WDR59: variants seen among roughly 807,000 people sequenced by gnomAD.
WDR59 encodes GATOR2 complex protein WDR59.
Under a neutral mutation model 131.2 loss-of-function variants are expected in WDR59, and 100 were observed. The observed-to-expected ratio is 0.76, with a 90% CI of 0.65 to 0.90. WDR59 has a LOEUF of 0.90. Ranked by LOEUF, WDR59 falls within the 40% of genes least tolerant of loss-of-function variation. The pLI is 0.00. For synonymous variants in WDR59, 601 were observed against 466.2 expected (o/e 1.29, Z -3.72); for missense variants, 1,203 against 1,262.2 (o/e 0.95, Z 0.71).
intron 11 of WDR59, among the ~76,000 whole-genome samples, chr16:74,916,710 C>T (rs1205025666): frequency 6.6e-6 from 1 of 151,834 alleles, no homozygotes; most frequent in Non-Finnish European, 1.5e-5. Context: ...AATACAAAAA[C>T]TAGCCAGGCA....
chr16:74,936,444 T>A (rs1427465282), intron 8 of WDR59, among the ~76,000 whole-genome samples: 1 of 151,998 alleles, frequency 6.6e-6, no homozygotes, highest in Non-Finnish European at 1.5e-5. Flanking sequence ...TCAACAAACT[T>A]GGGCATCTCA....
In WDR59 at chr16:74,956,504, C is replaced by G; in HGVS notation, c.211G>C (p.Asp71His). 1 of 1,614,002 alleles carries G rather than the reference C, an allele frequency of 6.2e-7. No individual in the cohort carries two copies. The highest frequency in any genetic ancestry group is 8.5e-7 in the Non-Finnish European group (1 of 1,180,014). The change falls in exon 3 of 26, where the codon GAC becomes CAC. Residue 71 changes from aspartate to histidine, a missense_variant. Physicochemically the swap from Asp to His is moderately conservative, Grantham distance 81 (BLOSUM62 -1). Transcript: ENST00000262144. ...GCCGCAAAATAGTGTGCAAAGCTGT[C>G]ATGAGGATTCCACTGCACAGCTCCA... ...DIGAVQWNPH[D>H]SFAHYFAASS... is the part of the protein sequence containing the mutation.
intron 18 of WDR59, among the ~76,000 whole-genome samples, chr16:74,901,023 C>T (rs545656057): frequency 5.9e-5 from 9 of 152,250 alleles, no homozygotes; most frequent in African/African-American, 1.2e-4. Flanking sequence ...CGCTTGAACC[C>T]GGAGGCAGAG....
intron 3 of WDR59, 119 bp downstream of exon 3, chr16:74,956,356 A>G: frequency 7.4e-7 from 1 of 1,346,824 alleles, no homozygotes; most frequent in East Asian, 2.5e-5. Context: ...AGAACCATCC[A>G]AACCTCTTTT....
chr16:74,909,713 C>G, intron 15 of WDR59, 56 bp from the exon 16 acceptor site: 1 of 1,551,694 alleles, frequency 6.4e-7, no homozygotes, highest in Non-Finnish European at 8.7e-7. Flanking sequence ...AGCTGAACTA[C>G]AAAATAAAGA....
At chr16:74,875,889 C>T (rs896834018) in intron 25 of WDR59, among the ~76,000 whole-genome samples, 5 of 152,286 alleles carry the variant, frequency 3.3e-5, no homozygotes, top group Middle Eastern at 3.4e-3. Flanking sequence ...CGATCACCAA[C>T]GGACACAACA....
chr16:74,920,403 T>C (rs933465920), intron 10 of WDR59, among the ~76,000 whole-genome samples: 7 of 152,022 alleles, frequency 4.6e-5, no homozygotes, highest in Non-Finnish European at 8.8e-5. Context: ...GTTAAATATA[T>C]ATATATATTT....
At chr16:74,878,891 C>T (rs1425362325) in intron 25 of WDR59, among the ~76,000 whole-genome samples, 2 of 152,226 alleles carry the variant, frequency 1.3e-5, no homozygotes, top group Admixed American at 6.5e-5. Context: ...TGCCAATTGC[C>T]GGTTTCGGCT....
Position 74,916,234 on chromosome 16 carries a change from C to G in WDR59, c.992G>C (p.Gly331Ala), listed in dbSNP as rs771032969. ...QRLCANDILDGVDEFIESISL... is the reference protein window; with the variant it reads ...QRLCANDILDAVDEFIESISL... ...AATACTCTCAATGAACTCATCAACACCATCTAATATGTCATTTGCACAAAG... is the reference window on the plus strand; with the variant it reads ...AATACTCTCAATGAACTCATCAACAGCATCTAATATGTCATTTGCACAAAG... Residue 331 changes from glycine to alanine, a missense_variant, in exon 12 of 26, where the codon GGT (glycine) becomes GCT (alanine). Gly to Ala is a moderately conservative substitution (Grantham distance 60, BLOSUM62 0). Coordinates refer to ENST00000262144, the MANE Select transcript of WDR59 (RefSeq NM_030581.4). The G allele has an allele frequency of 1.9e-6, 3 of 1,613,906 alleles. No individual in the cohort carries two copies. Among genetic ancestry groups the G allele is most frequent in the Non-Finnish European group, 2.5e-6 (3 of 1,179,978 alleles).
intron 21 of WDR59, among the ~76,000 whole-genome samples, chr16:74,889,078 C>A (rs562175472): frequency 6.6e-6 from 1 of 152,178 alleles, no homozygotes; most frequent in East Asian, 1.9e-4. Context: ...AACGGAAGCA[C>A]GAACACGTGT....
intron 1 of WDR59, among the ~76,000 whole-genome samples, chr16:74,982,753 G>A (rs947935208): frequency 6.6e-5 from 10 of 152,186 alleles, no homozygotes; most frequent in African/African-American, 2.2e-4. Context: ...GTACTTGGGG[G>A]TCCTTAATCC....
intron 1 of WDR59, among the ~76,000 whole-genome samples, chr16:74,973,153 A>G (rs2034054748): frequency 6.6e-6 from 1 of 152,100 alleles, no homozygotes; most frequent in Admixed American, 6.5e-5. Context: ...AGGCAGGAGA[A>G]TCGCTTGAAC....
In WDR59 at chr16:74,912,357, A is replaced by G. The variant is rs761876650; in HGVS notation, c.1230T>C (p.Asp410=). The change falls in exon 14 of 26, where the codon GAT becomes GAC. Residue 410 remains aspartate, a synonymous_variant. Coordinates refer to ENST00000262144, the MANE Select transcript of WDR59 (RefSeq NM_030581.4). Reference sequence around the variant, plus strand: ...ACACTGTGCAGCTCCTGTCTGCCGCATCCATCTGCAAGAGACAAATCCACA... The same window carrying G: ...ACACTGTGCAGCTCCTGTCTGCCGCGTCCATCTGCAAGAGACAAATCCACA... ...VQIRNVNVEM[D]AADRSCTVSV... is the part of the protein sequence containing the mutation. 31 of 1,612,272 alleles carry G rather than the reference A, an allele frequency of 1.9e-5. No homozygotes were observed. The highest frequency in any genetic ancestry group is 2.5e-5 in the Non-Finnish European group (30 of 1,179,162).
chr16:74,942,113 G>A (rs971372338), intron 7 of WDR59, among the ~76,000 whole-genome samples: 1 of 152,094 alleles, frequency 6.6e-6, no homozygotes, highest in African/African-American at 2.4e-5. Flanking sequence ...ATCAACTTCA[G>A]TAGACTTTCC....
At chr16:74,919,797 C>T (rs541035190) in intron 10 of WDR59, among the ~76,000 whole-genome samples, 46 of 152,340 alleles carry the variant, frequency 3.0e-4, no homozygotes, top group African/African-American at 1.1e-3. Context: ...TATCCTGACT[C>T]ACTTCCTACC....
At chr16:74,963,613 C>G (rs147726343) in intron 2 of WDR59, among the ~76,000 whole-genome samples, 2 of 152,060 alleles carry the variant, frequency 1.3e-5, no homozygotes, top group African/African-American at 4.8e-5. Context: ...GGGAGAGCAT[C>G]GGGATAAATA....
At chr16:74,899,259 A>C (rs967049198) in intron 18 of WDR59, among the ~76,000 whole-genome samples, 3 of 152,126 alleles carry the variant, frequency 2.0e-5, no homozygotes, top group Admixed American at 6.5e-5. Context: ...GCAGGTGGGC[A>C]CCTCCCTCTG....
intron 2 of WDR59, among the ~76,000 whole-genome samples, chr16:74,957,253 G>C (rs1364814372): frequency 1.3e-5 from 2 of 151,530 alleles, no homozygotes; most frequent in Non-Finnish European, 2.9e-5. Flanking sequence ...ACTAATTTTT[G>C]CATTTTTTGT....
At chr16:74,888,410 G>T in intron 21 of WDR59, 91 bp from the exon 22 acceptor site, 1 of 1,347,862 alleles carries the variant, frequency 7.4e-7, no homozygotes, top group Non-Finnish European at 1.0e-6. Context: ...TGCCACAGGG[G>T]TGGGAAGGGA....
Sources: allele counts gnomAD v4.1 joint callset (sites outside exome capture counted in the v4.1 genomes callset), GRCh38; gene constraint gnomAD v4.1.1; transcripts MANE v1.5; gene names NCBI Gene and HGNC (gene_info 2026-07-23, HGNC 2026-07-21).